Variants in TBC1D32 observed in about 807,000 individuals in gnomAD.
TBC1D32 encodes the protein protein broad-minded.
TBC1D32 carries 151 observed loss-of-function variants against 170.3 expected under a neutral mutation model. That is an observed-to-expected ratio of 0.89 (90% confidence interval 0.78 to 1.01). The LOEUF (loss-of-function observed/expected upper bound fraction) is 1.01. Ranked by LOEUF, TBC1D32 falls within the 50% of genes least tolerant of loss-of-function variation. TBC1D32 has a pLI of 0.00. For synonymous variants in TBC1D32, 498 were observed against 488.0 expected (o/e 1.02, Z -0.27); for missense variants, 1,464 against 1,457.1 (o/e 1.00, Z -0.08).
chr6:121,293,965 T>G (rs1253287017), intron 11 of TBC1D32, among the ~76,000 whole-genome samples: 1 of 152,036 alleles, frequency 6.6e-6, no homozygotes. Flanking sequence ...AAGATATCTA[T>G]TAGTGTAGGG....
chr6:121,325,318 T>A (rs747182185), intron 1 of TBC1D32, among the ~76,000 whole-genome samples: 3 of 151,510 alleles, frequency 2.0e-5, no homozygotes, highest in African/African-American at 7.3e-5. Flanking sequence ...TCCATAAAAG[T>A]ATCACTACTT....
rs1399726698 is a variant in TBC1D32 at position 121,288,728 on chromosome 6, C to G, written c.1372+3325G>C. ...AAGAGAATTTTAGACCAATATCCCA[C>G]ATGAACATCGATGCAAAAATCCTCA... On this transcript the variant is annotated intron_variant, in intron 12 of 31. Coordinates refer to ENST00000398212, the MANE Select transcript of TBC1D32 (RefSeq NM_152730.6). Among the ~76,000 whole-genome samples the G allele has an allele frequency of 3.3e-5, 5 of 152,008 alleles. No individual in the cohort carries two copies. The East Asian group carries it at 7.8e-4, about 24-fold the overall frequency.
At chr6:121,129,769 TA>T in intron 25 of TBC1D32, 2 of 338,012 alleles carry the variant, frequency 5.9e-6, no homozygotes, top group Non-Finnish European at 1.2e-5. Flanking sequence ...ATTCAGGGGA[TA>T]AAAGGAAGAA....
At chr6:121,173,698 T>A (rs1273245924) in intron 22 of TBC1D32, among the ~76,000 whole-genome samples, 1 of 151,788 alleles carries the variant, frequency 6.6e-6, no homozygotes, top group Non-Finnish European at 1.5e-5. Context: ...TACCTCCATA[T>A]CAAGATATAT....
intron 21 of TBC1D32, 58 bp from the exon 22 acceptor site, chr6:121,205,221 A>AT: frequency 1.2e-6 from 1 of 834,270 alleles, no homozygotes; most frequent in Admixed American, 3.0e-5. Flanking sequence ...AAGAAAATTA[A>AT]GTCAACAACA....
At chr6:121,112,223 G>A (rs1301383997) in intron 29 of TBC1D32, among the ~76,000 whole-genome samples, 1 of 151,984 alleles carries the variant, frequency 6.6e-6, no homozygotes, top group Non-Finnish European at 1.5e-5. Flanking sequence ...TTTAGGTGCA[G>A]AATTTAACTG....
At chr6:121,112,710 T>A in intron 28 of TBC1D32, 51 bp from the exon 29 acceptor site, 1 of 1,337,780 alleles carries the variant, frequency 7.5e-7, no homozygotes, top group Non-Finnish European at 9.9e-7. Context: ...GATAAAATAT[T>A]AAAATTCTGT....
At position 121,114,779 on chromosome 6, in the gene TBC1D32, C is replaced by T. The variant is rs116644899; in HGVS notation, c.3053+393G>A. The stretch of plus-strand genomic sequence containing the variant: ...ACTTGAGTATTAAAAATTCAAACTG[C>T]AATAAGTTTTTTAATTTTAACTTCT... On this transcript the variant is annotated intron_variant, in intron 27 of 31. Coordinates refer to ENST00000398212, the MANE Select transcript of TBC1D32 (RefSeq NM_152730.6). Among the ~76,000 whole-genome samples, 605 of 152,258 alleles carry T rather than the reference C, an allele frequency of 4.0e-3. 2 individuals are homozygous for T. The highest frequency in any genetic ancestry group is 0.01 in the Middle Eastern group (3 of 294).
At chr6:121,304,710 C>G (rs778252801) in intron 6 of TBC1D32, 45 bp downstream of exon 6, 2 of 1,527,858 alleles carry the variant, frequency 1.3e-6, no homozygotes, top group Admixed American at 1.8e-5. Context: ...TTCTTAAGTA[C>G]ATGCAAATGA....
intron 10 of TBC1D32, among the ~76,000 whole-genome samples, chr6:121,297,698 GATAGA>G (rs1805871222): frequency 6.6e-6 from 1 of 151,986 alleles, no homozygotes; most frequent in African/African-American, 2.4e-5. Flanking sequence ...ATAAACATAA[GATAGA>G]ATAGAACCAC....
At chr6:121,315,703 G>T (rs1808835341) in intron 3 of TBC1D32, among the ~76,000 whole-genome samples, 1 of 151,868 alleles carries the variant, frequency 6.6e-6, no homozygotes, top group Admixed American at 6.6e-5. Context: ...GAATAAGATT[G>T]TCAATATTTA....
At chr6:121,321,552 T>C (rs1809705826) in intron 2 of TBC1D32, 81 bp downstream of exon 2, 1 of 1,322,078 alleles carries the variant, frequency 7.6e-7, no homozygotes, top group Non-Finnish European at 1.0e-6. Flanking sequence ...GGAAATAGAC[T>C]GTGAGGGACA....
intron 1 of TBC1D32, 33 bp from the exon 2 acceptor site, chr6:121,321,827 A>C: frequency 6.3e-7 from 1 of 1,582,718 alleles, no homozygotes; most frequent in Non-Finnish European, 8.6e-7. Flanking sequence ...AAATGCGGTA[A>C]ATATCATAAG....
Position 121,090,959 on chromosome 6 carries a change from A to T in TBC1D32, c.3548T>A (p.Phe1183Tyr), listed in dbSNP as rs1175370345. Residue 1183 changes from phenylalanine (F) to tyrosine (Y), a missense_variant, in exon 31 of 32, where the codon TTC becomes TAC. Around this residue, in one of 3 missense-constraint regions of TBC1D32, gnomAD observed 97 missense variants for 102.0 expected, o/e 0.95. Coordinates refer to ENST00000398212, the MANE Select transcript of TBC1D32 (RefSeq NM_152730.6). The stretch of plus-strand genomic sequence containing the variant: ...ATACACTTGATAATCAGGACCAAGG[A>T]AAACACAAGTAGCAATATAATGGCA... ...EICHYIATCV[F>Y]LGPDYQVYIC... 1.9e-6 allele frequency: 3 copies of T among 1,613,708 alleles called. No individual in the cohort carries two copies. The South Asian group carries it at 3.3e-5, about 18-fold the overall frequency.
chr6:121,289,620 A>T (rs1804496464), intron 12 of TBC1D32, among the ~76,000 whole-genome samples: 1 of 152,172 alleles, frequency 6.6e-6, no homozygotes, highest in Non-Finnish European at 1.5e-5. Context: ...GCTACCAATG[A>T]CTTTCCTCAC....
At chr6:121,241,584 A>G (rs1183467164) in intron 18 of TBC1D32, 32 bp from the exon 19 acceptor site, 6 of 1,573,390 alleles carry the variant, frequency 3.8e-6, no homozygotes, top group Non-Finnish European at 5.2e-6. Flanking sequence ...AGCAATGAAA[A>G]GCAACAAAAC....
In TBC1D32 at chr6:121,161,072, T is replaced by C; in HGVS notation, c.2571-16A>G. The C allele has an allele frequency of 6.4e-7, 1 of 1,562,194 alleles. No homozygotes were observed. Among genetic ancestry groups the C allele is most frequent in the Non-Finnish European group, 8.8e-7 (1 of 1,136,634 alleles). On this transcript the variant is annotated splice_polypyrimidine_tract_variant and intron_variant, in intron 22 of 31. Transcript: ENST00000398212. ...TATAAAGTCCCTGAAAAAATAAATATATCACCTTTGTCATCCTTTTGATTG... is the reference window on the plus strand; with the variant it reads ...TATAAAGTCCCTGAAAAAATAAATACATCACCTTTGTCATCCTTTTGATTG...
chr6:121,184,034 A>C lies in TBC1D32; in HGVS notation c.2570+21041T>G, dbSNP rs992602023. Among the ~76,000 whole-genome samples the C allele has an allele frequency of 2.6e-5, 4 of 152,234 alleles. No homozygotes were observed. The South Asian group carries it at 8.3e-4, about 32-fold the overall frequency. On this transcript the variant is annotated intron_variant, in intron 22 of 31. Transcript: ENST00000398212. ...GTGTATCTGTTCATTACATGTAACA[A>C]AAGACATCATCAATATAAAAATTTC...
intron 12 of TBC1D32, among the ~76,000 whole-genome samples, chr6:121,285,696 T>C (rs549089931): frequency 1.3e-5 from 2 of 152,190 alleles, no homozygotes; most frequent in African/African-American, 4.8e-5. Context: ...CCTCCTCAAG[T>C]GGGTCCCTGA....
Sources: gnomAD v4.1 joint callset for allele counts (sites outside exome capture counted in the v4.1 genomes callset) on GRCh38, gnomAD v4.1.1 for gene constraint, gnomAD v4.1.1 regional missense constraint, MANE v1.5 for transcripts, NCBI Gene and HGNC (gene_info 2026-07-23, HGNC 2026-07-21) for gene names.